The following SOX6 variants were observed in gnomAD, a reference collection of about 807,000 sequenced individuals.
SOX6 encodes the protein SRY-box transcription factor 6, also known as transcription factor SOX-6.
In SOX6, 11 loss-of-function variants were observed where a neutral mutation model predicts 97.8. The observed-to-expected ratio is 0.11, with a 90% CI of 0.07 to 0.19. The LOEUF is 0.19. Ranked by LOEUF, SOX6 falls within the 10% of genes least tolerant of loss-of-function variation. SOX6 has a pLI of 1.00. For missense variants in SOX6, 810 were observed against 1,039.5 expected (o/e 0.78, Z 3.04); for synonymous variants, 360 against 371.4 (o/e 0.97, Z 0.35).
intron 6 of SOX6, among the ~76,000 whole-genome samples, chr11:16,138,378 C>A (rs557304642): frequency 4.3e-4 from 66 of 152,128 alleles, no homozygotes; most frequent in South Asian, 2.3e-3. Flanking sequence ...GATTCTGATG[C>A]CTTCACTTTT....
chr11:16,216,779 G>T (rs1393824154), intron 4 of SOX6, among the ~76,000 whole-genome samples: 1 of 152,104 alleles, frequency 6.6e-6, no homozygotes, highest in African/African-American at 2.4e-5. Flanking sequence ...GTCAGATAGT[G>T]GTGATTCCCC....
intron 3 of SOX6, among the ~76,000 whole-genome samples, chr11:16,652,594 C>A (rs962574967): frequency 6.6e-6 from 1 of 152,128 alleles, no homozygotes. Flanking sequence ...TCATCACTCA[C>A]CTTATACAAA....
At chr11:16,675,743 C>T (rs1847879573) in intron 3 of SOX6, among the ~76,000 whole-genome samples, 1 of 152,180 alleles carries the variant, frequency 6.6e-6, no homozygotes, top group African/African-American at 2.4e-5. Flanking sequence ...GTGGATTATT[C>T]AATTACTTTG....
At chr11:16,228,012 A>G (rs1415913452) in intron 4 of SOX6, among the ~76,000 whole-genome samples, 1 of 152,148 alleles carries the variant, frequency 6.6e-6, no homozygotes, top group Non-Finnish European at 1.5e-5. Flanking sequence ...AGTCTCACCA[A>G]CATGGTGAAA....
intron 4 of SOX6, chr11:16,484,304 GA>G: frequency 5.6e-6 from 6 of 1,076,850 alleles, no homozygotes; most frequent in African/African-American, 1.6e-5. Flanking sequence ...ATCCAATGGG[GA>G]AAATTCCCTC....
intron 4 of SOX6, among the ~76,000 whole-genome samples, chr11:16,496,483 G>A (rs1420972247): frequency 3.3e-5 from 5 of 152,216 alleles, no homozygotes; most frequent in South Asian, 2.1e-4. Context: ...AGGACAGTGG[G>A]TGCAATGCAC....
intron 4 of SOX6, among the ~76,000 whole-genome samples, chr11:16,515,186 C>A (rs1285486360): frequency 6.6e-6 from 1 of 151,852 alleles, no homozygotes. Flanking sequence ...GTTCCTATTT[C>A]TCCACATCCT....
chr11:16,630,454 T>C (rs539007653), intron 3 of SOX6, among the ~76,000 whole-genome samples: 1 of 152,262 alleles, frequency 6.6e-6, no homozygotes, highest in South Asian at 2.1e-4. Flanking sequence ...TCTGAGAGTA[T>C]AGTTGGTATA....
chr11:16,498,815 C>T (rs191477990), intron 4 of SOX6, among the ~76,000 whole-genome samples: 1 of 152,332 alleles, frequency 6.6e-6, no homozygotes, highest in East Asian at 1.9e-4. Flanking sequence ...AAAGCAAGTC[C>T]TTAGAGACCT....
Position 16,292,461 on chromosome 11 carries a change from T to C in SOX6, c.445+25985A>G, listed in dbSNP as rs1271616503. Among the ~76,000 whole-genome samples, 3 of 152,126 alleles carry C rather than the reference T, an allele frequency of 2.0e-5. No homozygotes were observed. In the East Asian group the frequency reaches 5.8e-4, roughly 29 times the overall value. Reference sequence around the variant, plus strand: ...AAAGTGAGGTGATAGTGGGAAAAGATTGAGTTCTCTTAACCCCTAGGTCCA... The same window carrying C: ...AAAGTGAGGTGATAGTGGGAAAAGACTGAGTTCTCTTAACCCCTAGGTCCA... On this transcript the variant is annotated intron_variant, in intron 3 of 15. Coordinates refer to ENST00000683767, the MANE Select transcript of SOX6 (RefSeq NM_001367873.1).
intron 4 of SOX6, among the ~76,000 whole-genome samples, chr11:16,526,001 T>G (rs1861156781): frequency 6.6e-6 from 1 of 152,090 alleles, no homozygotes; most frequent in Non-Finnish European, 1.5e-5. Flanking sequence ...CTGGAGAGGA[T>G]GTGGAGAAAT....
chr11:15,995,028 G>C (rs1401265292), intron 13 of SOX6, among the ~76,000 whole-genome samples: 1 of 152,164 alleles, frequency 6.6e-6, no homozygotes, highest in African/African-American at 2.4e-5. Context: ...AATGCAAATA[G>C]AAAGTCAGTT....
chr11:16,122,367 A>T (rs1452676716), intron 6 of SOX6, among the ~76,000 whole-genome samples: 1 of 151,998 alleles, frequency 6.6e-6, no homozygotes, highest in Non-Finnish European at 1.5e-5. Flanking sequence ...CATATTAGAG[A>T]CTAATGATTG....
intron 4 of SOX6, among the ~76,000 whole-genome samples, chr11:16,560,583 ATATGTTTATACGTACATG>A (rs879660677): frequency 0.035 from 3,746 of 107,020 alleles, 1,145 homozygotes; most frequent in Middle Eastern, 0.093. Flanking sequence ...ATACGTACAT[ATATGTTTATACGTACATG>A]TATGTTTATA....
chr11:16,433,307 AG>A (rs1859305472), intron 1 of SOX6, among the ~76,000 whole-genome samples: 1 of 152,080 alleles, frequency 6.6e-6, no homozygotes, highest in Non-Finnish European at 1.5e-5. Context: ...AGATTTTTAA[AG>A]ACAGAGTGAA....
At chr11:16,342,736 G>A (rs1856672713) in intron 1 of SOX6, among the ~76,000 whole-genome samples, 1 of 151,836 alleles carries the variant, frequency 6.6e-6, no homozygotes, top group Non-Finnish European at 1.5e-5. Flanking sequence ...AATTAATGAG[G>A]GGGCTCAGAT....
intron 6 of SOX6, among the ~76,000 whole-genome samples, chr11:16,126,778 A>G (rs1274706467): frequency 6.6e-6 from 1 of 152,126 alleles, no homozygotes; most frequent in Non-Finnish European, 1.5e-5. Flanking sequence ...TCAAGAATAG[A>G]TGACTTCTTG....
At chr11:16,431,996 G>A (rs1367699567) in intron 1 of SOX6, among the ~76,000 whole-genome samples, 2 of 152,028 alleles carry the variant, frequency 1.3e-5, no homozygotes, top group Non-Finnish European at 2.9e-5. Context: ...ACAAAGATAT[G>A]GTATTGTTTG....
intron 4 of SOX6, among the ~76,000 whole-genome samples, chr11:16,499,548 T>C (rs1431626582): frequency 6.6e-6 from 1 of 151,924 alleles, no homozygotes; most frequent in Non-Finnish European, 1.5e-5. Flanking sequence ...ATCAACGAAA[T>C]TGATAAACTG....
Sources: allele counts gnomAD v4.1 joint callset (sites outside exome capture counted in the v4.1 genomes callset), GRCh38; gene constraint gnomAD v4.1.1; transcripts MANE v1.5; gene names NCBI Gene and HGNC (gene_info 2026-07-23, HGNC 2026-07-21).